Variants in ADAD1 observed in about 807,000 individuals in gnomAD.
ADAD1 encodes adenosine deaminase domain containing 1.
A neutral mutation model predicts 66.8 loss-of-function variants in ADAD1; 46 were observed. The ratio of observed to expected loss-of-function variants is 0.69; its 90% CI spans 0.54 to 0.88. The LOEUF (loss-of-function observed/expected upper bound fraction) is 0.88, where lower values mean the gene tolerates loss of function less well. Among genes scored for constraint, ADAD1 ranks in the 40% least tolerant of loss-of-function variants. The pLI is 0.00. For missense variants in ADAD1, 617 were observed against 681.8 expected (o/e 0.91, Z 1.06); for synonymous variants, 248 against 229.4 (o/e 1.08, Z -0.73).
chr4:122,380,290 G>T, intron 3 of ADAD1, 49 bp downstream of exon 3: 1 of 1,558,220 alleles, frequency 6.4e-7, no homozygotes, highest in Non-Finnish European at 8.7e-7. Flanking sequence ...TAAGATTCTA[G>T]GATGGCCAGT....
chr4:122,398,818 G>T (rs1795833980), intron 7 of ADAD1, among the ~76,000 whole-genome samples: 1 of 150,222 alleles, frequency 6.7e-6, no homozygotes, highest in South Asian at 2.1e-4. Flanking sequence ...TTTTTTGATG[G>T]GATTATTTTT....
intron 7 of ADAD1, among the ~76,000 whole-genome samples, chr4:122,403,363 A>G (rs1412758390): frequency 6.6e-6 from 1 of 152,196 alleles, no homozygotes; most frequent in Non-Finnish European, 1.5e-5. Context: ...TCTCCCAGCC[A>G]TAAATACCAG....
intron 5 of ADAD1, among the ~76,000 whole-genome samples, chr4:122,386,693 A>T (rs2150534734): frequency 6.6e-6 from 1 of 152,300 alleles, no homozygotes; most frequent in East Asian, 1.9e-4. Context: ...TCTTTAATCC[A>T]TCTTGAGTTA....
chr4:122,394,638 G>T (rs1269132193), intron 6 of ADAD1, among the ~76,000 whole-genome samples: 1 of 152,208 alleles, frequency 6.6e-6, no homozygotes, highest in Non-Finnish European at 1.5e-5. Flanking sequence ...ACAGTTGTAA[G>T]AACTGATGAA....
rs147839901 is a variant in ADAD1 at position 122,407,582 on chromosome 4, G to T, written c.725-326G>T. On this transcript the variant is annotated intron_variant, in intron 7 of 12. Coordinates refer to ENST00000296513, the MANE Select transcript of ADAD1 (RefSeq NM_139243.4). ...GAATGGCAAATGAAGTGTCTTAGAA[G>T]ATCAAATACATCTAGATGTAGAAGA... Among the ~76,000 whole-genome samples, 11 of 152,262 alleles carry T rather than the reference G, an allele frequency of 7.2e-5. No homozygotes were observed. In the East Asian group the frequency reaches 2.1e-3, roughly 29 times the overall value.
At chr4:122,422,326 T>C (rs1161775250) in intron 12 of ADAD1, among the ~76,000 whole-genome samples, 2 of 152,152 alleles carry the variant, frequency 1.3e-5, no homozygotes, top group Non-Finnish European at 2.9e-5. Context: ...GGTTTCGCCA[T>C]GTTGGCCGGG....
At chr4:122,418,084 AAGTC>A (rs1796825781) in intron 11 of ADAD1, among the ~76,000 whole-genome samples, 1 of 152,068 alleles carries the variant, frequency 6.6e-6, no homozygotes. Flanking sequence ...AAAAACAAAA[AAGTC>A]AGAATTACTT....
chr4:122,384,042 A>C, intron 5 of ADAD1, 76 bp downstream of exon 5: 5 of 1,317,448 alleles, frequency 3.8e-6, no homozygotes, highest in African/African-American at 1.5e-5. Context: ...ATTTATGTTA[A>C]TGAGAGTTAC....
At chr4:122,393,449 T>G in intron 5 of ADAD1, 140 bp from the exon 6 acceptor site, 12 of 535,196 alleles carry the variant, frequency 2.2e-5, no homozygotes, top group Non-Finnish European at 2.6e-5. Context: ...GCTGAGCTAA[T>G]GAGTATTTGA....
At chr4:122,410,004 T>G (rs2150578034) in intron 8 of ADAD1, among the ~76,000 whole-genome samples, 1 of 152,278 alleles carries the variant, frequency 6.6e-6, no homozygotes, top group Non-Finnish European at 1.5e-5. Context: ...TCAAAGACAC[T>G]CAAGTGAGAA....
At chr4:122,417,870 C>T (rs1402576364) in intron 11 of ADAD1, among the ~76,000 whole-genome samples, 1 of 152,048 alleles carries the variant, frequency 6.6e-6, no homozygotes, top group Non-Finnish European at 1.5e-5. Flanking sequence ...GCTGATTTTA[C>T]TGGAAAAATT....
intron 7 of ADAD1, among the ~76,000 whole-genome samples, chr4:122,399,868 T>C (rs529589829): frequency 3.3e-5 from 5 of 152,022 alleles, no homozygotes; most frequent in South Asian, 2.1e-4. Context: ...TGGAACTTTA[T>C]TGAATTCATT....
intron 5 of ADAD1, among the ~76,000 whole-genome samples, chr4:122,385,472 C>T (rs1580737744): frequency 2.6e-5 from 4 of 152,212 alleles, no homozygotes; most frequent in African/African-American, 9.6e-5. Flanking sequence ...GGGGTTTCAC[C>T]ATGTTGGCCA....
intron 10 of ADAD1, among the ~76,000 whole-genome samples, 179 bp from the exon 11 acceptor site, chr4:122,415,200 C>T (rs572277711): frequency 3.9e-5 from 6 of 152,104 alleles, no homozygotes; most frequent in African/African-American, 1.4e-4. Context: ...CTGTTATTAC[C>T]TTGTTCTGGT....
intron 11 of ADAD1, among the ~76,000 whole-genome samples, chr4:122,418,192 T>G (rs1280802638): frequency 6.6e-6 from 1 of 152,084 alleles, no homozygotes; most frequent in Non-Finnish European, 1.5e-5. Flanking sequence ...TCATAAGCTA[T>G]TTTAGGTAAC....
chr4:122,381,864 T>G (rs1794912138), intron 4 of ADAD1, among the ~76,000 whole-genome samples: 1 of 152,014 alleles, frequency 6.6e-6, no homozygotes, highest in South Asian at 2.1e-4. Context: ...GTGTGTGTGT[T>G]TGTACACACA....
rs549088582 is a variant in ADAD1 at position 122,384,058 on chromosome 4, A to C, written c.529+92A>C. 1.9e-4 allele frequency: 227 copies of C among 1,184,324 alleles called. 1 individual carries two copies. The African/African-American group carries it at 3.3e-3, about 17-fold the overall frequency. The allele number at this position is 1,184,324 out of a possible 1,614,324, so 73.4% of individuals were successfully genotyped here. On this transcript the variant is annotated intron_variant, in intron 5 of 12. Coordinates refer to ENST00000296513, the MANE Select transcript of ADAD1 (RefSeq NM_139243.4). ...TTTATGTTAATGAGAGTTACTTGGC[A>C]GCTACAAGATAGAAGTTGCAGGATT... is the stretch of plus-strand genomic sequence containing the variant.
chr4:122,404,902 C>T (rs1251962432), intron 7 of ADAD1, among the ~76,000 whole-genome samples: 1 of 152,142 alleles, frequency 6.6e-6, no homozygotes, highest in Non-Finnish European at 1.5e-5. Flanking sequence ...ATTCTGATTC[C>T]ATTCCTTCTC....
At position 122,405,785 on chromosome 4, in the gene ADAD1, C is replaced by G. The variant is rs920155079; in HGVS notation, c.725-2123C>G. ...TAACCACCATTCTACTCTGTTTTTA[C>G]GAGTTCAACCTTTTTAGATTCCACA... On this transcript the variant is annotated intron_variant, in intron 7 of 12. Transcript: ENST00000296513. Among the ~76,000 whole-genome samples the G allele has an allele frequency of 3.3e-5, 5 of 152,118 alleles. No homozygotes were observed. The South Asian group carries it at 8.3e-4, about 25-fold the overall frequency.
Sources: gnomAD v4.1 joint callset for allele counts (sites outside exome capture counted in the v4.1 genomes callset) on GRCh38, gnomAD v4.1.1 for gene constraint, MANE v1.5 for transcripts, NCBI Gene and HGNC (gene_info 2026-07-23, HGNC 2026-07-21) for gene names.